The following CANX variants were observed in gnomAD, a reference collection of about 807,000 sequenced individuals.
CANX encodes the protein calnexin.
Under a neutral mutation model 75.7 loss-of-function variants are expected in CANX, and 14 were observed. That is an observed-to-expected ratio of 0.19 (90% CI 0.12 to 0.29). The LOEUF (loss-of-function observed/expected upper bound fraction) is 0.29, where lower values mean the gene tolerates loss of function less well. Among genes scored for constraint, CANX ranks in the 10% least tolerant of loss-of-function variants. The probability of loss-of-function intolerance (pLI) is 1.00; values close to 1 mark genes in which losing one functional copy is unlikely to be tolerated. For missense variants in CANX, 567 were observed against 713.2 expected (o/e 0.79, Z 2.34); for synonymous variants, 227 against 236.9 (o/e 0.96, Z 0.38).
At position 179,705,134 on chromosome 5, in the gene CANX, C is replaced by T. The variant is rs189487321; in HGVS notation, c.-3-545C>T. Among the ~76,000 whole-genome samples, 7 of 152,148 alleles carry T rather than the reference C, an allele frequency of 4.6e-5. No homozygotes were observed. In the South Asian group the frequency reaches 6.2e-4, roughly 14 times the overall value. ...CCAAGTAGCTGAGACTACAGGCGCC[C>T]GCTATCGCTCCCAGCTAATTTTTGT... On this transcript the variant is annotated intron_variant, in intron 1 of 14. Transcript: ENST00000247461.
chr5:179,684,927 T>G lies in CANX; in HGVS notation c.-4+6150T>G, dbSNP rs1776160803. Among the ~76,000 whole-genome samples, 3 of 7,814 alleles carry G rather than the reference T, an allele frequency of 3.8e-4. No individual in the cohort carries two copies. The Admixed American group carries it at 7.2e-3, about 19-fold the overall frequency. 5.1% of individuals were successfully genotyped at this position (7,814 alleles called of 152,430 possible). A position where few individuals can be genotyped will look rare whatever the true frequency, so the allele number is the denominator to read the frequency against. On this transcript the variant is annotated intron_variant, in intron 1 of 14. Transcript: ENST00000681674. ...GCCACCACACCTGGCTAATTTTGTA[T>G]TTTTTTTTTTTTTTTTTTTTTTTTT...
At position 179,719,792 on chromosome 5, in the gene CANX, C is replaced by G. The variant is rs760408376; in HGVS notation, c.1025+11C>G. 7.0e-7 allele frequency: 1 copy of G among 1,428,136 alleles called. No homozygotes were observed. Among genetic ancestry groups the G allele is most frequent in the Non-Finnish European group, 9.7e-7 (1 of 1,033,304 alleles). The allele number at this position is 1,428,136 out of a possible 1,614,324, so 88.5% of individuals were successfully genotyped here. On this transcript the variant is annotated intron_variant, in intron 9 of 14. Coordinates refer to ENST00000247461, the MANE Select transcript of CANX (RefSeq NM_001746.4). ...GAAACCTGAGGATTGGTAAGAACTT[C>G]AGTTAACTTTTTTTAATTACCTGGT...
intron 1 of CANX, among the ~76,000 whole-genome samples, chr5:179,683,425 G>A (rs560998822): frequency 1.2e-4 from 18 of 151,902 alleles, no homozygotes; most frequent in Middle Eastern, 3.4e-3. Context: ...GAGCCACCGC[G>A]CCCGGCCAAC....
rs773718862 is a variant in CANX at position 179,705,763 on chromosome 5, G to T, written c.82G>T (p.Val28Leu). The T allele has an allele frequency of 1.4e-5, 23 of 1,609,436 alleles. No individual in the cohort carries two copies. Among genetic ancestry groups the T allele is most frequent in the Non-Finnish European group, 1.9e-5 (22 of 1,175,752 alleles). Residue 28 changes from valine (V) to leucine (L), a missense_variant, in exon 2 of 15, where the codon GTG becomes TTG. Physicochemically the swap from Val to Leu is conservative, Grantham distance 32. Coordinates refer to ENST00000247461, the MANE Select transcript of CANX (RefSeq NM_001746.4). ...GGCTCATGATGGACATGATGATGAT[G>T]TGATTGATATTGAGGATGACCTTGA... ...VEAHDGHDDD[V>L]IDIEDDLDDV... is the part of the protein sequence containing the mutation.
intron 7 of CANX, among the ~76,000 whole-genome samples, chr5:179,714,119 C>T (rs561812024): frequency 6.2e-4 from 95 of 152,270 alleles, no homozygotes; most frequent in African/African-American, 2.2e-3. Context: ...CTGCCTCAGC[C>T]TCCTGAATAG....
chr5:179,688,341 C>A (rs572728471), intron 1 of CANX, among the ~76,000 whole-genome samples: 1 of 144,208 alleles, frequency 6.9e-6, no homozygotes, highest in South Asian at 2.2e-4. Flanking sequence ...GCGTGAGCGA[C>A]GGTGCCTGGC....
At chr5:179,703,888 T>C (rs1190894772) in intron 1 of CANX, among the ~76,000 whole-genome samples, 1 of 152,104 alleles carries the variant, frequency 6.6e-6, no homozygotes, top group African/African-American at 2.4e-5. Context: ...CTAGAGGCCC[T>C]GGTAATATAA....
chr5:179,698,564 G>A (rs1336472620), upstream of CANX: 47 of 1,289,390 alleles, frequency 3.6e-5, no homozygotes, highest in East Asian at 1.2e-3. Flanking sequence ...AGCGAAGGGC[G>A]CGCGATGCGT....
intron 6 of CANX, among the ~76,000 whole-genome samples, chr5:179,709,482 T>C (rs1777379896): frequency 6.6e-6 from 1 of 152,206 alleles, no homozygotes; most frequent in South Asian, 2.1e-4. Context: ...TGTTTAACTC[T>C]TTTGATGAGT....
At chr5:179,699,264 C>T (rs73338133) in intron 1 of CANX, among the ~76,000 whole-genome samples, 162 bp downstream of exon 1, 1,998 of 152,152 alleles carry the variant, frequency 0.013, 65 homozygotes, top group African/African-American at 0.046. Context: ...GCGAGGAGGC[C>T]CGAATCCGGG....
intron 1 of CANX, among the ~76,000 whole-genome samples, chr5:179,699,406 G>A (rs966140512): frequency 6.6e-6 from 1 of 152,204 alleles, no homozygotes; most frequent in Non-Finnish European, 1.5e-5. Context: ...GCTTTCTTAG[G>A]CCTCTTTGCC....
intron 1 of CANX, among the ~76,000 whole-genome samples, chr5:179,691,882 A>C (rs1776304591): frequency 6.6e-6 from 1 of 151,530 alleles, no homozygotes; most frequent in Non-Finnish European, 1.5e-5. Flanking sequence ...GGTTCACGCC[A>C]TTCTCCTGCC....
At chr5:179,719,890 C>G in intron 9 of CANX, 109 bp downstream of exon 9, 1 of 639,350 alleles carries the variant, frequency 1.6e-6, no homozygotes. Context: ...GGCGCAGTTT[C>G]GGCTCACTGC....
At position 179,691,107 on chromosome 5, in the gene CANX, C is replaced by T. The variant is rs369813162; in HGVS notation, c.-4+12330C>T. Among the ~76,000 whole-genome samples the T allele has an allele frequency of 1.3e-4, 19 of 151,958 alleles. No individual in the cohort carries two copies. The East Asian group carries it at 3.1e-3, about 25-fold the overall frequency. ...GCAGCATGATCTTGGCTCATGGCAA[C>T]TTCTGCCTCCCAGGTTCAAGCAATT... On this transcript the variant is annotated intron_variant, in intron 1 of 14. Coordinates refer to the CANX transcript ENST00000681674.
chr5:179,717,606 T>C (rs1279122012), intron 8 of CANX, among the ~76,000 whole-genome samples: 1 of 152,262 alleles, frequency 6.6e-6, no homozygotes, highest in Non-Finnish European at 1.5e-5. Context: ...ATTTTATTTA[T>C]CCATCCTTTG....
chr5:179,694,325 T>C, upstream of CANX: 1 of 553,316 alleles, frequency 1.8e-6, no homozygotes, highest in Non-Finnish European at 3.3e-6. Context: ...AGAAGTGCTC[T>C]GAAAGGTGGA....
intron 2 of CANX, 64 bp downstream of exon 2, chr5:179,705,916 C>T (rs1030161666): frequency 2.8e-5 from 39 of 1,404,392 alleles, no homozygotes; most frequent in Admixed American, 2.5e-4. Context: ...TGAAGATACC[C>T]GGGTGCAGGG....
intron 7 of CANX, among the ~76,000 whole-genome samples, chr5:179,711,110 C>G (rs1331181140): frequency 1.3e-5 from 2 of 152,004 alleles, no homozygotes; most frequent in South Asian, 4.1e-4. Context: ...TGGGAAATGA[C>G]CTTAATTTGT....
At chr5:179,713,791 C>G (rs868601090) in intron 7 of CANX, among the ~76,000 whole-genome samples, 3 of 152,022 alleles carry the variant, frequency 2.0e-5, no homozygotes, top group African/African-American at 4.8e-5. Flanking sequence ...GCATGTACCT[C>G]TAGTCCCAGG....
Sources: allele counts gnomAD v4.1 joint callset (sites outside exome capture counted in the v4.1 genomes callset), GRCh38; gene constraint gnomAD v4.1.1; transcripts MANE v1.5; gene names NCBI Gene and HGNC (gene_info 2026-07-23, HGNC 2026-07-21).